The following KIAA0753 variants were observed in gnomAD, a reference collection of about 807,000 sequenced individuals.
The protein encoded by KIAA0753 is protein moonraker.
KIAA0753 carries 114 observed loss-of-function variants against 116.9 expected under a neutral mutation model. That is an observed-to-expected ratio of 0.98 (90% CI 0.84 to 1.14). The LOEUF is 1.14. Ranked by LOEUF, KIAA0753 falls within the 50% of genes most tolerant of loss-of-function variation. The probability of loss-of-function intolerance (pLI) is 0.00; values close to 1 mark genes in which losing one functional copy is unlikely to be tolerated. For missense variants in KIAA0753, 1,156 were observed against 1,172.4 expected, an observed-to-expected ratio of 0.99 and a Z score of 0.20; for synonymous variants, 405 against 413.1, an observed-to-expected ratio of 0.98 and a Z score of 0.24.
chr17:6,616,288 C>T (rs1482645427), intron 7 of KIAA0753, among the ~76,000 whole-genome samples: 1 of 152,166 alleles, frequency 6.6e-6, no homozygotes, highest in Non-Finnish European at 1.5e-5. Context: ...TTCCAGAGAA[C>T]TTAAGTTTAC....
chr17:6,612,782 C>A (rs1461685997), intron 7 of KIAA0753, among the ~76,000 whole-genome samples: 2 of 152,128 alleles, frequency 1.3e-5, no homozygotes, highest in African/African-American at 2.4e-5. Context: ...GCAGGAGAAT[C>A]GTTTGAACTC....
chr17:6,589,814 A>AG lies in KIAA0753; in HGVS notation c.2750dup (p.Val918CysfsTer11). 2 of 1,613,714 alleles carry AG rather than the reference A, an allele frequency of 1.2e-6. No homozygotes were observed. Among genetic ancestry groups the AG allele is most frequent in the Non-Finnish European group, 1.7e-6 (2 of 1,179,854 alleles). ...TCAGCCACGGGTTGAAGGAGCCTAC[A>AG]GCCTCATGAGATATGATCCGAAGGT... is the stretch of plus-strand genomic sequence containing the variant. On this transcript the variant is annotated frameshift_variant, in exon 18 of 19. Transcript: ENST00000361413. LOFTEE classifies it high-confidence loss of function.
chr17:6,590,841 G>A (rs891545467), intron 16 of KIAA0753, among the ~76,000 whole-genome samples: 14 of 152,126 alleles, frequency 9.2e-5, no homozygotes, highest in African/African-American at 3.1e-4. Flanking sequence ...TACGTTTTAA[G>A]AAATAATGAA....
intron 8 of KIAA0753, among the ~76,000 whole-genome samples, chr17:6,610,794 C>T (rs1208090235): frequency 6.6e-6 from 1 of 152,082 alleles, no homozygotes; most frequent in African/African-American, 2.4e-5. Context: ...TACTTAACCT[C>T]TCTGGGCCTT....
At chr17:6,625,207 A>G (rs1282828832) in intron 3 of KIAA0753, among the ~76,000 whole-genome samples, 1 of 152,206 alleles carries the variant, frequency 6.6e-6, no homozygotes, top group Non-Finnish European at 1.5e-5. Flanking sequence ...TATTTTTTCA[A>G]AAACTTTTTA....
At chr17:6,597,299 T>G (rs539604498) in intron 14 of KIAA0753, among the ~76,000 whole-genome samples, 6 of 152,054 alleles carry the variant, frequency 3.9e-5, no homozygotes, top group Non-Finnish European at 8.8e-5. Context: ...TCATCAAAAG[T>G]TAAAGAAATA....
chr17:6,591,462 T>C (rs1969060427), intron 16 of KIAA0753, among the ~76,000 whole-genome samples: 1 of 152,216 alleles, frequency 6.6e-6, no homozygotes, highest in Non-Finnish European at 1.5e-5. Context: ...ACACAGATAC[T>C]GCACAATGAA....
intron 7 of KIAA0753, among the ~76,000 whole-genome samples, 170 bp downstream of exon 7, chr17:6,620,618 T>C (rs1421912963): frequency 6.6e-6 from 1 of 152,208 alleles, no homozygotes; most frequent in Non-Finnish European, 1.5e-5. Flanking sequence ...CTCTATAGAA[T>C]GCCTCCAGCC....
At chr17:6,638,573 C>A (rs949553972) in intron 1 of KIAA0753, 1 of 155,132 alleles carries the variant, frequency 6.4e-6, no homozygotes, top group African/African-American at 2.4e-5. Flanking sequence ...CCAGGGACCC[C>A]TAAAGCTGGA....
At position 6,628,232 on chromosome 17, in the gene KIAA0753, A is replaced by T. The variant is rs16955985; in HGVS notation, c.603T>A (p.His201Gln). 4 of 1,613,872 alleles carry T rather than the reference A, an allele frequency of 2.5e-6. No homozygotes were observed. The African/African-American group carries it at 4.0e-5, about 16-fold the overall frequency. ...PPTHDPGLQP[H>Q]PRIGDHKNIS... The stretch of plus-strand genomic sequence containing the variant: ...TGTTTTTGTGGTCACCTATCCTGGG[A>T]TGAGGCTGAAGTCCCGGATCATGGG... The change falls in exon 3 of 19, where the codon CAT (histidine) becomes CAA (glutamine). Residue 201 changes from histidine to glutamine, a missense_variant. Physicochemically the swap from His to Gln is conservative, Grantham distance 24. Coordinates refer to ENST00000361413, the MANE Select transcript of KIAA0753 (RefSeq NM_014804.3).
chr17:6,622,815 C>G, intron 6 of KIAA0753, 67 bp downstream of exon 6: 7 of 1,358,832 alleles, frequency 5.2e-6, no homozygotes, highest in Non-Finnish European at 6.3e-6. Flanking sequence ...TAAATCCTAA[C>G]GAAACTAGGT....
At chr17:6,630,402 T>C (rs1177252147) in intron 2 of KIAA0753, among the ~76,000 whole-genome samples, 1 of 152,104 alleles carries the variant, frequency 6.6e-6, no homozygotes, top group Non-Finnish European at 1.5e-5. Flanking sequence ...ATTGGCATAA[T>C]TCTTATGGAG....
chr17:6,589,685 G>A, intron 18 of KIAA0753, 94 bp downstream of exon 18: 3 of 907,948 alleles, frequency 3.3e-6, no homozygotes, highest in Non-Finnish European at 5.0e-6. Flanking sequence ...AAAGCATATG[G>A]GATAAGACCT....
intron 11 of KIAA0753, 50 bp downstream of exon 11, chr17:6,607,131 A>G (rs1003314320): frequency 6.9e-7 from 1 of 1,448,456 alleles, no homozygotes. Flanking sequence ...ATGTATAGAG[A>G]TGTAGAATAG....
At chr17:6,608,490 T>C (rs1255437298) in intron 9 of KIAA0753, 26 bp from the exon 10 acceptor site, 2 of 1,325,028 alleles carry the variant, frequency 1.5e-6, no homozygotes, top group South Asian at 1.5e-5. Flanking sequence ...AAGCATACCT[T>C]TGTCATCATT....
chr17:6,623,799 G>A, intron 4 of KIAA0753: 1 of 427,282 alleles, frequency 2.3e-6, no homozygotes, highest in South Asian at 3.5e-5. Context: ...CGTCCCCAGT[G>A]TAATAGGAAT....
intron 2 of KIAA0753, among the ~76,000 whole-genome samples, chr17:6,629,010 A>G (rs1971862635): frequency 6.6e-6 from 1 of 152,238 alleles, no homozygotes; most frequent in East Asian, 1.9e-4. Context: ...GTAAACCCAG[A>G]AAGCTTCAAG....
chr17:6,612,941 G>A (rs982778015), intron 7 of KIAA0753, among the ~76,000 whole-genome samples: 1 of 152,024 alleles, frequency 6.6e-6, no homozygotes, highest in Admixed American at 6.6e-5. Flanking sequence ...CCTTCAATGG[G>A]TCCTAATTTG....
chr17:6,582,103 C>G (rs566381753), intron 18 of KIAA0753, among the ~76,000 whole-genome samples: 1 of 152,300 alleles, frequency 6.6e-6, no homozygotes, highest in African/African-American at 2.4e-5. Context: ...ATATATTCAT[C>G]CCAGCCTTCC....
Sources: gnomAD v4.1 joint callset for allele counts (sites outside exome capture counted in the v4.1 genomes callset) on GRCh38, gnomAD v4.1.1 for gene constraint, MANE v1.5 for transcripts, NCBI Gene and HGNC (gene_info 2026-07-23, HGNC 2026-07-21) for gene names.